The following MBOAT2 variants were observed in gnomAD, a reference collection of about 807,000 sequenced individuals.
MBOAT2 encodes the protein membrane bound glycerophospholipid O-acyltransferase 2.
MBOAT2 carries 28 observed loss-of-function variants against 63.4 expected under a neutral mutation model. That is an observed-to-expected ratio of 0.44 (90% CI 0.33 to 0.61). The LOEUF (loss-of-function observed/expected upper bound fraction) is 0.61. Among genes scored for constraint, MBOAT2 ranks in the 20% least tolerant of loss-of-function variants. The pLI is 0.03. For synonymous variants in MBOAT2, 211 were observed against 215.6 expected (o/e 0.98, Z 0.19); for missense variants, 470 against 605.8 (o/e 0.78, Z 2.35).
chr2:8,881,127 TG>T (rs1392253224), intron 6 of MBOAT2, among the ~76,000 whole-genome samples: 4 of 152,142 alleles, frequency 2.6e-5, no homozygotes, highest in Non-Finnish European at 5.9e-5. Flanking sequence ...GAGAAGGAAG[TG>T]AACTCCGTGC....
chr2:8,874,141 C>T (rs1662537619), intron 7 of MBOAT2, among the ~76,000 whole-genome samples: 1 of 152,220 alleles, frequency 6.6e-6, no homozygotes, highest in South Asian at 2.1e-4. Flanking sequence ...TGAAGCTCCA[C>T]ATTTTAACAC....
intron 3 of MBOAT2, among the ~76,000 whole-genome samples, chr2:8,924,228 G>A (rs1445145051): frequency 6.6e-6 from 1 of 151,994 alleles, no homozygotes; most frequent in Non-Finnish European, 1.5e-5. Flanking sequence ...GAACACTTGG[G>A]GTCCTCTGTA....
At chr2:8,973,137 A>C (rs1221934605) in intron 1 of MBOAT2, among the ~76,000 whole-genome samples, 3 of 152,204 alleles carry the variant, frequency 2.0e-5, no homozygotes, top group African/African-American at 7.2e-5. Flanking sequence ...CATCAATGAT[A>C]GACTGGATTA....
chr2:8,906,281 C>G (rs980948944), intron 4 of MBOAT2, among the ~76,000 whole-genome samples: 4 of 152,210 alleles, frequency 2.6e-5, no homozygotes, highest in Non-Finnish European at 4.4e-5. Flanking sequence ...TCTAAAGTCA[C>G]GTCCTATACA....
At chr2:8,868,758 T>A (rs868794108) in intron 8 of MBOAT2, among the ~76,000 whole-genome samples, 1 of 152,270 alleles carries the variant, frequency 6.6e-6, no homozygotes, top group South Asian at 2.1e-4. Context: ...ACATCATGCA[T>A]GAGTTGGGGG....
At chr2:8,965,746 A>C (rs1423920444) in intron 1 of MBOAT2, among the ~76,000 whole-genome samples, 3 of 152,180 alleles carry the variant, frequency 2.0e-5, no homozygotes, top group Admixed American at 6.5e-5. Flanking sequence ...TCTTCTGAAA[A>C]GATCTGCACT....
chr2:8,902,011 G>T (rs796570578), intron 4 of MBOAT2, among the ~76,000 whole-genome samples: 1 of 152,184 alleles, frequency 6.6e-6, no homozygotes, highest in South Asian at 2.1e-4. Context: ...TGGCCGCAGG[G>T]TCAACCAACT....
chr2:8,943,695 C>T (rs1041964199), intron 2 of MBOAT2, among the ~76,000 whole-genome samples: 2 of 152,174 alleles, frequency 1.3e-5, no homozygotes, highest in Admixed American at 6.5e-5. Flanking sequence ...ACCTTTTTAA[C>T]AATATGACTG....
intron 11 of MBOAT2, among the ~76,000 whole-genome samples, chr2:8,861,667 TC>T (rs1287793433): frequency 1.3e-5 from 2 of 152,200 alleles, no homozygotes; most frequent in Non-Finnish European, 1.5e-5. Context: ...CTTTCATCTC[TC>T]AAAGTCCAGA....
In MBOAT2 at chr2:8,943,209, T is replaced by C. The variant is rs1432487426; in HGVS notation, c.277A>G (p.Ile93Val). ...TACTTGTGCATGTTCTCCACTCCTATGATGATCATGATACAGTAGGAAATT... is the reference window on the plus strand; with the variant it reads ...TACTTGTGCATGTTCTCCACTCCTACGATGATCATGATACAGTAGGAAATT... ...SGISYCIMII[I>V]GVENMHNYCF... The change falls in exon 3 of 13, where the codon ATA (isoleucine) becomes GTA (valine). Residue 93 changes from isoleucine (I) to valine (V), a missense_variant. Physicochemically the swap from Ile to Val is conservative, Grantham distance 29 (BLOSUM62 3). Transcript: ENST00000305997. The C allele has an allele frequency of 1.3e-6, 2 of 1,581,738 alleles. No homozygotes were observed. Among genetic ancestry groups the C allele is most frequent in the Non-Finnish European group, 8.6e-7 (1 of 1,159,626 alleles).
At position 8,857,913 on chromosome 2, in the gene MBOAT2, CCTCT is replaced by C. The variant is rs1269285235; in HGVS notation, c.*762_*765del. ...TCTTCATTCCTGCCTTCCTTCGTCACCTCTCTCTTTTAAGAAAAAGAATAAGCTT... is the reference window on the plus strand; with the variant it reads ...TCTTCATTCCTGCCTTCCTTCGTCACCTCTTTTAAGAAAAAGAATAAGCTT... On this transcript the variant is annotated 3_prime_UTR_variant, in exon 13 of 13. Transcript: ENST00000305997. The C allele has an allele frequency of 2.6e-5, 4 of 152,444 alleles. No homozygotes were observed. Among genetic ancestry groups the C allele is most frequent in the Non-Finnish European group, 5.9e-5 (4 of 68,054 alleles). 9.4% of individuals were successfully genotyped at this position (152,444 alleles called of 1,614,324 possible).
At chr2:8,947,968 G>C (rs921950823) in intron 2 of MBOAT2, among the ~76,000 whole-genome samples, 2 of 152,132 alleles carry the variant, frequency 1.3e-5, no homozygotes, top group Non-Finnish European at 2.9e-5. Flanking sequence ...GACGGATCTA[G>C]GCAAACTAAA....
chr2:8,994,613 G>GA, intron 1 of MBOAT2, among the ~76,000 whole-genome samples: 1 of 152,342 alleles, frequency 6.6e-6, no homozygotes, highest in Non-Finnish European at 1.5e-5. Context: ...CATGGGATGC[G>GA]AGACAGCTGT....
At chr2:8,870,567 A>C (rs1316896838) in intron 8 of MBOAT2, among the ~76,000 whole-genome samples, 1 of 152,200 alleles carries the variant, frequency 6.6e-6, no homozygotes, top group African/African-American at 2.4e-5. Flanking sequence ...ACAATTACAA[A>C]AAGGTGACAG....
intron 2 of MBOAT2, among the ~76,000 whole-genome samples, chr2:8,944,541 C>A (rs1668270752): frequency 6.6e-6 from 1 of 152,002 alleles, no homozygotes; most frequent in Non-Finnish European, 1.5e-5. Context: ...ATTTTGAACA[C>A]ATTTTTCCAT....
At chr2:8,986,666 C>T (rs1052516600) in intron 1 of MBOAT2, among the ~76,000 whole-genome samples, 4 of 152,152 alleles carry the variant, frequency 2.6e-5, no homozygotes, top group Non-Finnish European at 5.9e-5. Flanking sequence ...TATGTTGAAG[C>T]CCTTACCCCA....
In MBOAT2 at chr2:8,926,962, A is replaced by G. The variant is rs566859034; in HGVS notation, c.299+16225T>C. 2.0e-4 allele frequency among the ~76,000 whole-genome samples: 31 copies of G among 152,316 alleles called. 1 individual carries two copies. The highest frequency in any genetic ancestry group is 1.4e-3 in the Admixed American group (21 of 15,298). Reference sequence around the variant, plus strand: ...GCTTTACAAATCTCAAGTCCTCAAAACAACTCAATAGGAAACCAAAGCACA... The same window carrying G: ...GCTTTACAAATCTCAAGTCCTCAAAGCAACTCAATAGGAAACCAAAGCACA... On this transcript the variant is annotated intron_variant, in intron 3 of 12. Transcript: ENST00000305997.
chr2:8,906,706 A>G (rs1371355477), intron 4 of MBOAT2, among the ~76,000 whole-genome samples: 1 of 152,268 alleles, frequency 6.6e-6, no homozygotes, highest in Non-Finnish European at 1.5e-5. Context: ...AAAAAGGGTA[A>G]TGACCAAGAT....
chr2:8,986,155 G>A (rs1418781624), intron 1 of MBOAT2, among the ~76,000 whole-genome samples: 1 of 145,762 alleles, frequency 6.9e-6, no homozygotes, highest in Non-Finnish European at 1.5e-5. Context: ...AATCCCACTG[G>A]AGAGATTCTA....
Sources: gnomAD v4.1 joint callset for allele counts (sites outside exome capture counted in the v4.1 genomes callset) on GRCh38, gnomAD v4.1.1 for gene constraint, MANE v1.5 for transcripts, NCBI Gene and HGNC (gene_info 2026-07-23, HGNC 2026-07-21) for gene names.